The following CPN1 variants were observed in gnomAD, a reference collection of about 807,000 sequenced individuals.
The protein encoded by CPN1 is carboxypeptidase N catalytic chain.
Under a neutral mutation model 46.4 loss-of-function variants are expected in CPN1, and 37 were observed. That is an observed-to-expected ratio of 0.80 (90% CI 0.61 to 1.05). CPN1 has a LOEUF of 1.05. Among genes scored for constraint, CPN1 ranks in the 50% least tolerant of loss-of-function variants. CPN1 has a pLI of 0.00. For synonymous variants in CPN1, 224 were observed against 235.4 expected (o/e 0.95, Z 0.44); for missense variants, 563 against 602.6 (o/e 0.93, Z 0.69).
chr10:100,048,604 C>T (rs1216251658), intron 8 of CPN1, among the ~76,000 whole-genome samples, 154 bp downstream of exon 8: 4 of 152,110 alleles, frequency 2.6e-5, no homozygotes, highest in South Asian at 2.1e-4. Flanking sequence ...GAGGCTTAGG[C>T]GGCAGGATTG....
intron 3 of CPN1, among the ~76,000 whole-genome samples, chr10:100,066,650 T>C (rs2133441560): frequency 6.6e-6 from 1 of 152,338 alleles, no homozygotes; most frequent in East Asian, 1.9e-4. Context: ...AAGTAAATAA[T>C]TTACAGTCTA....
In CPN1 at chr10:100,062,395, C is replaced by T. The variant is rs115214096; in HGVS notation, c.871+1219G>A. Among the ~76,000 whole-genome samples, 1,253 of 152,194 alleles carry T rather than the reference C, an allele frequency of 8.2e-3. 16 individuals carry two copies. Among genetic ancestry groups the T allele is most frequent in the African/African-American group, 0.029 (1,201 of 41,508 alleles). On this transcript the variant is annotated intron_variant, in intron 5 of 8. Coordinates refer to ENST00000370418, the MANE Select transcript of CPN1 (RefSeq NM_001308.3). ...CAAACCCCTGCTTGTGGGGGCCTGG[C>T]AGTTAGGGTCCAGGGAATGTATCTC... is the stretch of plus-strand genomic sequence containing the variant.
intron 7 of CPN1, among the ~76,000 whole-genome samples, chr10:100,049,257 G>GC (rs1235451414): frequency 2.1e-5 from 3 of 143,412 alleles, no homozygotes. Flanking sequence ...GAGCCCGTTG[G>GC]CTTTTTTTTT....
chr10:100,043,064 A>C (rs1241363681), intron 8 of CPN1, among the ~76,000 whole-genome samples: 1 of 148,932 alleles, frequency 6.7e-6, no homozygotes, highest in Non-Finnish European at 1.5e-5. Flanking sequence ...ACTGCACTCC[A>C]GCCTGGGTGA....
At chr10:100,078,148 A>T (rs1226460110) in intron 1 of CPN1, among the ~76,000 whole-genome samples, 1 of 152,102 alleles carries the variant, frequency 6.6e-6, no homozygotes, top group African/African-American at 2.4e-5. Context: ...TCTCAGTTCA[A>T]GCCATCCTCC....
rs1158873770 is a variant in CPN1, at chr10:100,042,582, A to C, written c.1231-9T>G. 4 of 1,613,800 alleles carry C rather than the reference A, an allele frequency of 2.5e-6. No individual in the cohort carries two copies. Among genetic ancestry groups the C allele is most frequent in the Non-Finnish European group, 3.4e-6 (4 of 1,179,984 alleles). The stretch of plus-strand genomic sequence containing the variant: ...TTGAGGTGGAAGTTAACCTGGAAGA[A>C]AAAAAGCAGGAGCTACGAGATCCGT... On this transcript the variant is annotated splice_polypyrimidine_tract_variant and intron_variant, in intron 8 of 8. Coordinates refer to ENST00000370418, the MANE Select transcript of CPN1 (RefSeq NM_001308.3).
intron 2 of CPN1, among the ~76,000 whole-genome samples, chr10:100,074,712 C>T (rs780654562): frequency 3.4e-4 from 51 of 152,140 alleles, no homozygotes; most frequent in Non-Finnish European, 5.4e-4. Flanking sequence ...CCACCACGCC[C>T]GGCCGAAAAC....
chr10:100,066,053 T>C (rs1225984599), intron 3 of CPN1, among the ~76,000 whole-genome samples: 2 of 151,276 alleles, frequency 1.3e-5, no homozygotes, highest in East Asian at 3.9e-4. Context: ...CCTCCCGGAC[T>C]CAAGCGATCC....
intron 2 of CPN1, among the ~76,000 whole-genome samples, chr10:100,070,478 T>A (rs2041477682): frequency 6.6e-6 from 1 of 151,976 alleles, no homozygotes; most frequent in Non-Finnish European, 1.5e-5. Context: ...CAAGGCTCTG[T>A]CTAAAAAAAA....
intron 8 of CPN1, among the ~76,000 whole-genome samples, chr10:100,046,664 T>G (rs1000939069): frequency 1.3e-5 from 2 of 151,812 alleles, no homozygotes; most frequent in Admixed American, 6.6e-5. Flanking sequence ...TCCCAGCTAC[T>G]TGGGAGGTTG....
chr10:100,044,904 C>A (rs1332691444), intron 8 of CPN1, among the ~76,000 whole-genome samples: 1 of 150,858 alleles, frequency 6.6e-6, no homozygotes, highest in Non-Finnish European at 1.5e-5. Context: ...AGAGACAGGG[C>A]TTCGCCATGT....
rs1184702538 is a variant in CPN1, at chr10:100,063,606, C to T, written c.871+8G>A. ...TTCAGCTTGAGCAGTTCCCAGGACT[C>T]CCCTTACCCTTGCTGAGAGAATACC... On this transcript the variant is annotated splice_region_variant and intron_variant, in intron 5 of 8. Transcript: ENST00000370418. 1.9e-6 allele frequency: 3 copies of T among 1,596,872 alleles called. No individual in the cohort carries two copies. Among genetic ancestry groups the T allele is most frequent in the Non-Finnish European group, 2.6e-6 (3 of 1,164,402 alleles).
intron 8 of CPN1, among the ~76,000 whole-genome samples, chr10:100,047,273 A>G (rs2041320010): frequency 6.6e-6 from 1 of 151,812 alleles, no homozygotes; most frequent in Admixed American, 6.6e-5. Context: ...AGAGGAGGAG[A>G]TATCTGACCT....
chr10:100,054,991 A>T (rs2041377342), intron 6 of CPN1, among the ~76,000 whole-genome samples: 1 of 151,952 alleles, frequency 6.6e-6, no homozygotes, highest in Non-Finnish European at 1.5e-5. Flanking sequence ...TAATTCCAGC[A>T]CTTTGGGAGG....
At chr10:100,068,982 C>T (rs906736070) in intron 3 of CPN1, among the ~76,000 whole-genome samples, 4 of 152,216 alleles carry the variant, frequency 2.6e-5, no homozygotes, top group African/African-American at 7.2e-5. Context: ...ATCTTCATCC[C>T]GATTCCATCA....
At chr10:100,075,160 G>A (rs2041506691) in intron 2 of CPN1, among the ~76,000 whole-genome samples, 1 of 151,944 alleles carries the variant, frequency 6.6e-6, no homozygotes, top group South Asian at 2.1e-4. Context: ...GCATGGTGGC[G>A]CACGCCTGTA....
chr10:100,062,134 G>A (rs1455329049), intron 5 of CPN1, among the ~76,000 whole-genome samples: 1 of 152,152 alleles, frequency 6.6e-6, no homozygotes, highest in Non-Finnish European at 1.5e-5. Flanking sequence ...CTGCTGCCTG[G>A]GCCATGGCCA....
chr10:100,080,458 T>C (rs936122444), intron 1 of CPN1, among the ~76,000 whole-genome samples: 1 of 152,202 alleles, frequency 6.6e-6, no homozygotes, highest in African/African-American at 2.4e-5. Context: ...GGTTTAAATA[T>C]GCATAGAAAA....
chr10:100,052,775 G>A (rs753684065), intron 7 of CPN1, among the ~76,000 whole-genome samples: 4 of 152,178 alleles, frequency 2.6e-5, no homozygotes, highest in Admixed American at 1.3e-4. Flanking sequence ...AGCTACTTGG[G>A]AGGCTGAGGA....
Sources: allele counts gnomAD v4.1 joint callset (sites outside exome capture counted in the v4.1 genomes callset), GRCh38; gene constraint gnomAD v4.1.1; transcripts MANE v1.5; gene names NCBI Gene and HGNC (gene_info 2026-07-23, HGNC 2026-07-21).